The following TAOK3 variants were observed in gnomAD, a reference collection of about 807,000 sequenced individuals.
TAOK3 encodes the protein TAO kinase 3, also known as serine/threonine-protein kinase TAO3.
Under a neutral mutation model 120.4 loss-of-function variants are expected in TAOK3, and 40 were observed. That is an observed-to-expected ratio of 0.33 (90% CI 0.26 to 0.43). The LOEUF is 0.43. Among genes scored for constraint, TAOK3 ranks in the 20% least tolerant of loss-of-function variants. TAOK3 has a pLI of 1.00. For missense variants in TAOK3, 821 were observed against 1,112.1 expected (o/e 0.74, Z 3.72); for synonymous variants, 355 against 387.5 (o/e 0.92, Z 0.99).
intron 1 of TAOK3, among the ~76,000 whole-genome samples, chr12:118,349,635 C>T (rs1261060858): frequency 6.6e-6 from 1 of 152,082 alleles, no homozygotes; most frequent in African/African-American, 2.4e-5. Context: ...GTACAAAATT[C>T]TTTTTGGTGT....
In TAOK3 at chr12:118,338,997, C is replaced by T. The variant is rs2044487212; in HGVS notation, c.-194+33651G>A. Among the ~76,000 whole-genome samples the T allele has an allele frequency of 2.6e-5, 4 of 151,464 alleles. No individual in the cohort carries two copies. The South Asian group carries it at 8.3e-4, about 31-fold the overall frequency. On this transcript the variant is annotated intron_variant, in intron 1 of 20. Transcript: ENST00000392533. ...AAGAAAAGCATTGCGTACCCTGGGA[C>T]CAGCAAAGAGTGTGGTGTGCTGCTT...
At chr12:118,218,994 A>T (rs1168609742) in intron 9 of TAOK3, among the ~76,000 whole-genome samples, 1 of 152,150 alleles carries the variant, frequency 6.6e-6, no homozygotes, top group Non-Finnish European at 1.5e-5. Flanking sequence ...TGGAACTAGG[A>T]ACTCATCACG....
intron 1 of TAOK3, among the ~76,000 whole-genome samples, chr12:118,300,496 A>G (rs1245007012): frequency 3.3e-5 from 5 of 152,182 alleles, no homozygotes; most frequent in African/African-American, 1.2e-4. Context: ...TAGTCAAGAA[A>G]GCTCACAAAT....
At chr12:118,232,491 T>C (rs1433706866) in intron 9 of TAOK3, among the ~76,000 whole-genome samples, 2 of 152,196 alleles carry the variant, frequency 1.3e-5, no homozygotes, top group Admixed American at 6.5e-5. Context: ...GGAACTCCCA[T>C]AAAGGTAGGA....
At chr12:118,346,172 T>C (rs1194947505) in intron 1 of TAOK3, among the ~76,000 whole-genome samples, 3 of 152,136 alleles carry the variant, frequency 2.0e-5, no homozygotes, top group Non-Finnish European at 2.9e-5. Flanking sequence ...CTATTAAAAA[T>C]ATATGAAAAG....
chr12:118,240,726 C>T (rs1248988966), intron 5 of TAOK3, among the ~76,000 whole-genome samples: 1 of 151,994 alleles, frequency 6.6e-6, no homozygotes, highest in Non-Finnish European at 1.5e-5. Context: ...AACCAATCTC[C>T]ACACACACAT....
intron 13 of TAOK3, among the ~76,000 whole-genome samples, chr12:118,197,947 C>T (rs761280888): frequency 2.0e-5 from 3 of 151,982 alleles, no homozygotes; most frequent in Non-Finnish European, 2.9e-5. Flanking sequence ...TCGGCCATTG[C>T]GCCTGGCCTC....
chr12:118,330,573 A>G (rs2044101569), intron 1 of TAOK3, among the ~76,000 whole-genome samples: 1 of 151,756 alleles, frequency 6.6e-6, no homozygotes, highest in Non-Finnish European at 1.5e-5. Context: ...AGAGGAAACT[A>G]TCACAAAGAG....
At chr12:118,245,266 C>A (rs1053917761) in intron 3 of TAOK3, among the ~76,000 whole-genome samples, 1 of 151,906 alleles carries the variant, frequency 6.6e-6, no homozygotes, top group African/African-American at 2.4e-5. Context: ...AAACTCCTGA[C>A]TTCAAATGAT....
chr12:118,216,376 C>T (rs2038902201), intron 9 of TAOK3, among the ~76,000 whole-genome samples: 1 of 152,198 alleles, frequency 6.6e-6, no homozygotes. Flanking sequence ...CCTTGGCATA[C>T]TGGTCATTTG....
chr12:118,226,751 T>G (rs2039527093), intron 9 of TAOK3, among the ~76,000 whole-genome samples: 1 of 152,194 alleles, frequency 6.6e-6, no homozygotes, highest in East Asian at 1.9e-4. Flanking sequence ...TAAATCATTT[T>G]ATAAAATGCA....
chr12:118,151,213 C>T (rs572598633), intron 20 of TAOK3, 55 bp from the exon 21 acceptor site: 4 of 1,587,858 alleles, frequency 2.5e-6, no homozygotes, highest in Non-Finnish European at 3.4e-6. Context: ...CAGGCACCCA[C>T]GTGCACGCGA....
intron 1 of TAOK3, among the ~76,000 whole-genome samples, chr12:118,314,231 T>C (rs1204575486): frequency 6.6e-6 from 1 of 152,182 alleles, no homozygotes; most frequent in Non-Finnish European, 1.5e-5. Flanking sequence ...TCTGAATATG[T>C]TTTTACCCAA....
At chr12:118,317,706 T>A (rs575580107) in intron 1 of TAOK3, among the ~76,000 whole-genome samples, 1 of 152,186 alleles carries the variant, frequency 6.6e-6, no homozygotes, top group African/African-American at 2.4e-5. Context: ...ACAGATCCAA[T>A]ACAATTTGTA....
intron 1 of TAOK3, among the ~76,000 whole-genome samples, chr12:118,307,581 G>A (rs998411644): frequency 6.6e-6 from 1 of 152,156 alleles, no homozygotes; most frequent in African/African-American, 2.4e-5. Context: ...GTATGTATAA[G>A]TGTTTTTGCA....
chr12:118,184,539 T>A (rs2036956525), intron 14 of TAOK3, among the ~76,000 whole-genome samples: 1 of 152,174 alleles, frequency 6.6e-6, no homozygotes, highest in Non-Finnish European at 1.5e-5. Flanking sequence ...ATTCCTATGG[T>A]TCTTGAATTG....
At chr12:118,236,755 CTTT>C (rs1307294195) in intron 7 of TAOK3, 3 of 151,932 alleles carry the variant, frequency 2.0e-5, no homozygotes, top group Non-Finnish European at 4.4e-5. Context: ...CTCTACTTAT[CTTT>C]AGTTAGGAGA....
chr12:118,340,448 G>C (rs2044566466), intron 1 of TAOK3, among the ~76,000 whole-genome samples: 1 of 152,098 alleles, frequency 6.6e-6, no homozygotes, highest in Admixed American at 6.5e-5. Context: ...TGGATTATGA[G>C]AAGAAAAATT....
intron 1 of TAOK3, among the ~76,000 whole-genome samples, chr12:118,302,568 G>T (rs2042918495): frequency 6.6e-6 from 1 of 152,112 alleles, no homozygotes; most frequent in African/African-American, 2.4e-5. Flanking sequence ...AGAGGTAAGA[G>T]GTCAAAGGTA....
Sources: allele counts gnomAD v4.1 joint callset (sites outside exome capture counted in the v4.1 genomes callset), GRCh38; gene constraint gnomAD v4.1.1; transcripts MANE v1.5; gene names NCBI Gene and HGNC (gene_info 2026-07-23, HGNC 2026-07-21).